Variants in ANO3 observed in about 807,000 individuals in gnomAD.
ANO3 encodes the protein anoctamin 3, also known as anoctamin-3.
A neutral mutation model predicts 144.8 loss-of-function variants in ANO3; 99 were observed. The ratio of observed to expected loss-of-function variants is 0.68; its 90% CI spans 0.58 to 0.81. The LOEUF (loss-of-function observed/expected upper bound fraction) is 0.81. Among genes scored for constraint, ANO3 ranks in the 30% least tolerant of loss-of-function variants. ANO3 has a pLI of 0.00. For missense variants in ANO3, 905 were observed against 1,202.2 expected, an observed-to-expected ratio of 0.75 and a Z score of 3.66; for synonymous variants, 414 against 392.6, an observed-to-expected ratio of 1.05 and a Z score of -0.64.
At chr11:26,350,834 G>A (rs1206164274) in intron 1 of ANO3, among the ~76,000 whole-genome samples, 1 of 152,036 alleles carries the variant, frequency 6.6e-6, no homozygotes, top group Non-Finnish European at 1.5e-5. Flanking sequence ...TACTGTGAAA[G>A]GTAAGTCTAA....
chr11:26,565,690 A>T (rs1420974323), intron 14 of ANO3: 2 of 1,613,162 alleles, frequency 1.2e-6, no homozygotes, highest in African/African-American at 2.7e-5. Context: ...TCTTTATCTG[A>T]GTTTAAGTTT....
At chr11:26,264,600 G>A (rs1853266004) in intron 1 of ANO3, among the ~76,000 whole-genome samples, 1 of 152,122 alleles carries the variant, frequency 6.6e-6, no homozygotes, top group Admixed American at 6.5e-5. Context: ...CCATAATGAA[G>A]TACAACAGTC....
chr11:26,519,313 G>C (rs972728997), intron 6 of ANO3, among the ~76,000 whole-genome samples: 22 of 152,100 alleles, frequency 1.4e-4, no homozygotes, highest in African/African-American at 5.3e-4. Flanking sequence ...ATACAAAACA[G>C]ATATTTGCCA....
chr11:26,490,120 A>G (rs998776982), intron 4 of ANO3, among the ~76,000 whole-genome samples: 58 of 152,270 alleles, frequency 3.8e-4, no homozygotes, highest in African/African-American at 1.4e-3. Context: ...GGAGGGACCA[A>G]GGGGGAGGTA....
At chr11:26,236,078 T>C (rs1852515733) in intron 1 of ANO3, among the ~76,000 whole-genome samples, 1 of 152,204 alleles carries the variant, frequency 6.6e-6, no homozygotes, top group South Asian at 2.1e-4. Flanking sequence ...ATACTGACTG[T>C]AGAACTCCCA....
intron 14 of ANO3, among the ~76,000 whole-genome samples, chr11:26,591,683 A>G (rs61878567): frequency 0.031 from 4,670 of 152,216 alleles, 104 homozygotes; most frequent in Non-Finnish European, 0.049. Context: ...AGTGAGAGTG[A>G]AAGGGGGTAA....
intron 1 of ANO3, among the ~76,000 whole-genome samples, chr11:26,273,007 T>G (rs1413816216): frequency 1.3e-5 from 2 of 152,166 alleles, no homozygotes; most frequent in African/African-American, 2.4e-5. Flanking sequence ...ATTTAAGTAT[T>G]GCATAATATT....
chr11:26,526,450 G>A (rs1849166095), intron 7 of ANO3, among the ~76,000 whole-genome samples: 1 of 152,100 alleles, frequency 6.6e-6, no homozygotes, highest in African/African-American at 2.4e-5. Context: ...ATGTGAATGT[G>A]GTAGAGTATG....
intron 11 of ANO3, among the ~76,000 whole-genome samples, chr11:26,542,996 A>G (rs1309753855): frequency 1.3e-5 from 2 of 152,106 alleles, no homozygotes; most frequent in East Asian, 1.9e-4. Flanking sequence ...AGAGAATTTA[A>G]TAAAAGAACT....
intron 14 of ANO3, among the ~76,000 whole-genome samples, chr11:26,597,247 G>T (rs1265344930): frequency 6.6e-6 from 1 of 152,120 alleles, no homozygotes; most frequent in Non-Finnish European, 1.5e-5. Context: ...CAAGCCTTTT[G>T]TTCTCTGACC....
intron 26 of ANO3, 79 bp from the exon 27 acceptor site, chr11:26,660,183 C>A: frequency 7.6e-7 from 1 of 1,310,380 alleles, no homozygotes. Context: ...GCAAATGCAA[C>A]ATTGTTCATT....
At chr11:26,563,026 G>T in intron 14 of ANO3, 2 of 1,487,354 alleles carry the variant, frequency 1.3e-6, no homozygotes, top group East Asian at 2.3e-5. Context: ...AATTCTTTTG[G>T]AATTACCTTC....
intron 1 of ANO3, among the ~76,000 whole-genome samples, chr11:26,194,210 A>G (rs1851533543): frequency 6.6e-6 from 1 of 152,136 alleles, no homozygotes; most frequent in Non-Finnish European, 1.5e-5. Context: ...TATGAGGCAA[A>G]TTGCAAAATC....
intron 1 of ANO3, among the ~76,000 whole-genome samples, chr11:26,380,971 G>A (rs561755237): frequency 1.2e-4 from 19 of 152,028 alleles, no homozygotes; most frequent in Non-Finnish European, 2.2e-4. Flanking sequence ...GACAGAGCGA[G>A]ACTTCAACTC....
intron 14 of ANO3, among the ~76,000 whole-genome samples, chr11:26,564,710 C>T (rs1450576283): frequency 4.3e-5 from 3 of 70,564 alleles, no homozygotes; most frequent in Non-Finnish European, 5.4e-5. Flanking sequence ...CACACACACA[C>T]ACACACACAC....
intron 8 of ANO3, among the ~76,000 whole-genome samples, chr11:26,532,991 T>G (rs906392558): frequency 6.6e-6 from 1 of 152,216 alleles, no homozygotes; most frequent in Non-Finnish European, 1.5e-5. Flanking sequence ...GCTGAATCAA[T>G]TTAATGGGGA....
intron 4 of ANO3, among the ~76,000 whole-genome samples, chr11:26,466,016 A>T (rs1389737017): frequency 6.6e-6 from 1 of 151,982 alleles, no homozygotes; most frequent in Non-Finnish European, 1.5e-5. Flanking sequence ...TCAAAATTTT[A>T]CAGATCAAAA....
chr11:26,330,249 A>C (rs1855002488), upstream of ANO3, among the ~76,000 whole-genome samples: 1 of 152,146 alleles, frequency 6.6e-6, no homozygotes, highest in Non-Finnish European at 1.5e-5. Context: ...GAGTTCTATC[A>C]GAATTTTAAC....
chr11:26,376,436 C>A (rs1258975504), intron 1 of ANO3, among the ~76,000 whole-genome samples: 1 of 152,110 alleles, frequency 6.6e-6, no homozygotes, highest in Non-Finnish European at 1.5e-5. Context: ...TCAAACACCT[C>A]TTAATTTTTC....
Sources: allele counts gnomAD v4.1 joint callset (sites outside exome capture counted in the v4.1 genomes callset), GRCh38; gene constraint gnomAD v4.1.1; transcripts MANE v1.5; gene names NCBI Gene and HGNC (gene_info 2026-07-23, HGNC 2026-07-21).